Variants in ZFP64 observed in about 807,000 individuals in gnomAD.
ZFP64 encodes zinc finger protein 64.
ZFP64 carries 14 observed loss-of-function variants against 51.6 expected under a neutral mutation model. That is an observed-to-expected ratio of 0.27 (90% confidence interval 0.18 to 0.42). The LOEUF is 0.42. ZFP64 is among the 10% of genes least tolerant of loss of function. The probability of loss-of-function intolerance (pLI) is 1.00; values close to 1 mark genes in which losing one functional copy is unlikely to be tolerated. For synonymous variants in ZFP64, 375 were observed against 361.4 expected, an observed-to-expected ratio of 1.04 and a Z score of -0.43; for missense variants, 754 against 906.8, an observed-to-expected ratio of 0.83 and a Z score of 2.16.
chr20:52,095,856 C>G (rs1362065854), intron 7 of ZFP64, among the ~76,000 whole-genome samples: 2 of 152,202 alleles, frequency 1.3e-5, no homozygotes, highest in South Asian at 4.1e-4. Flanking sequence ...ATGGCAGTAG[C>G]CTAGCCCCAG....
At chr20:52,156,933 G>C (rs1163482914) in intron 5 of ZFP64, among the ~76,000 whole-genome samples, 1 of 152,080 alleles carries the variant, frequency 6.6e-6, no homozygotes. Flanking sequence ...ACAAGAAAGA[G>C]ACAAACTCAA....
At chr20:52,148,221 A>G (rs4809893), downstream of ZFP64, among the ~76,000 whole-genome samples, 28,305 of 152,128 alleles carry the variant, frequency 0.19, 2,958 homozygotes, top group Admixed American at 0.26. Flanking sequence ...TAGTATAATC[A>G]AATATGTCAT....
chr20:52,165,170 T>C (rs6126487), intron 3 of ZFP64: 25,737 of 458,460 alleles, frequency 0.056, 980 homozygotes, highest in Admixed American at 0.12. Context: ...CTTTTGATAT[T>C]GGTAGAAAGG....
chr20:52,098,463 C>G, exon 6 of ZFP64: 1 of 1,614,092 alleles, frequency 6.2e-7, no homozygotes, highest in Admixed American at 1.7e-5. Flanking sequence ...TGAACGTCCT[C>G]TCTCCAAGGG....
At chr20:52,104,559 G>A (rs2079089542) in intron 5 of ZFP64, 6 of 360,280 alleles carry the variant, frequency 1.7e-5, no homozygotes, top group South Asian at 6.1e-5. Context: ...ATCACCTCTC[G>A]GGCCTCCGGT....
chr20:52,106,273 T>C (rs1446352406), intron 5 of ZFP64, among the ~76,000 whole-genome samples: 4 of 152,136 alleles, frequency 2.6e-5, no homozygotes, highest in Non-Finnish European at 4.4e-5. Flanking sequence ...CGCCGCGTAA[T>C]TGACATCCAA....
At chr20:52,145,401 C>T (rs1471889214) in intron 5 of ZFP64, among the ~76,000 whole-genome samples, 3 of 152,142 alleles carry the variant, frequency 2.0e-5, no homozygotes, top group African/African-American at 7.2e-5. Context: ...GCCTGTAATC[C>T]CAGCACTTTG....
intron 5 of ZFP64, among the ~76,000 whole-genome samples, chr20:52,141,573 T>G (rs11905603): frequency 4.9e-4 from 75 of 152,266 alleles, no homozygotes; most frequent in African/African-American, 1.8e-3. Context: ...AGAACTAGAA[T>G]TAGAAGTGGA....
chr20:52,180,004 C>A (rs1489325128), intron 2 of ZFP64, among the ~76,000 whole-genome samples: 2 of 152,170 alleles, frequency 1.3e-5, no homozygotes, highest in East Asian at 3.9e-4. Context: ...GGACAGTGTT[C>A]CCATTTTGTC....
chr20:52,116,729 A>G (rs1260119907), intron 5 of ZFP64, among the ~76,000 whole-genome samples: 1 of 152,160 alleles, frequency 6.6e-6, no homozygotes, highest in Non-Finnish European at 1.5e-5. Flanking sequence ...AATTTGCATT[A>G]TGCATAATAT....
intron 2 of ZFP64, among the ~76,000 whole-genome samples, chr20:52,185,205 A>G (rs932946006): frequency 6.6e-6 from 1 of 151,368 alleles, no homozygotes. Context: ...CGTATTTTTC[A>G]TAGAGAAGGT....
intron 5 of ZFP64, among the ~76,000 whole-genome samples, chr20:52,134,348 C>T (rs775565098): frequency 2.6e-5 from 4 of 152,170 alleles, no homozygotes; most frequent in Non-Finnish European, 4.4e-5. Flanking sequence ...AAGCCTTCCA[C>T]AGTAAGCCAC....
At chr20:52,100,269 A>G (rs1263866920) in intron 5 of ZFP64, among the ~76,000 whole-genome samples, 1 of 146,308 alleles carries the variant, frequency 6.8e-6, no homozygotes, top group Non-Finnish European at 1.5e-5. Flanking sequence ...TTTTTGAAAC[A>G]GAGTCTCACT....
intron 2 of ZFP64, among the ~76,000 whole-genome samples, chr20:52,168,506 A>G (rs1165280056): frequency 6.6e-6 from 1 of 152,054 alleles, no homozygotes; most frequent in Non-Finnish European, 1.5e-5. Context: ...TGAATCAGAC[A>G]CTCTGGGGGT....
At chr20:52,120,113 A>G (rs1979105415) in intron 5 of ZFP64, among the ~76,000 whole-genome samples, 1 of 152,120 alleles carries the variant, frequency 6.6e-6, no homozygotes, top group Admixed American at 6.6e-5. Flanking sequence ...TTCCCCTTCC[A>G]CCATGTGTGG....
chr20:52,148,318 C>G (rs563969332), downstream of ZFP64, among the ~76,000 whole-genome samples: 4 of 152,312 alleles, frequency 2.6e-5, no homozygotes, highest in African/African-American at 9.6e-5. Flanking sequence ...TGAACTTTAT[C>G]TACACGATGG....
At chr20:52,126,631 A>G (rs889086862) in intron 5 of ZFP64, among the ~76,000 whole-genome samples, 4 of 152,248 alleles carry the variant, frequency 2.6e-5, no homozygotes, top group African/African-American at 9.6e-5. Flanking sequence ...CAATCTTTCA[A>G]ATTAATCTGA....
In ZFP64 at chr20:52,127,791, G is replaced by A. The variant is rs143845964; in HGVS notation, c.764-29204C>T. Among the ~76,000 whole-genome samples, 109 of 152,192 alleles carry A rather than the reference G, an allele frequency of 7.2e-4. 1 individual carries two copies. The highest frequency in any genetic ancestry group is 2.5e-3 in the African/African-American group (104 of 41,522). On this transcript the variant is annotated intron_variant, in intron 5 of 8. Transcript: ENST00000361387. The stretch of plus-strand genomic sequence containing the variant: ...TTGAGAGTGACTTTAAAGCAGTATT[G>A]TAGTGAAAACGTGATTTTCACTTAT...
chr20:52,150,687 C>G (rs1306925823), downstream of ZFP64, among the ~76,000 whole-genome samples: 1 of 152,196 alleles, frequency 6.6e-6, no homozygotes, highest in East Asian at 1.9e-4. Flanking sequence ...AGAAATGTAT[C>G]TAAGTATTCT....
Sources: gnomAD v4.1 joint callset for allele counts (sites outside exome capture counted in the v4.1 genomes callset) on GRCh38, gnomAD v4.1.1 for gene constraint, MANE v1.5 for transcripts, NCBI Gene and HGNC (gene_info 2026-07-23, HGNC 2026-07-21) for gene names.